PDE11A: variants seen among roughly 807,000 people sequenced by gnomAD.
PDE11A encodes the protein dual 3',5'-cyclic-AMP and -GMP phosphodiesterase 11A.
Under a neutral mutation model 100.5 loss-of-function variants are expected in PDE11A, and 100 were observed. The observed-to-expected ratio is 1.00, with a 90% CI of 0.85 to 1.18. The LOEUF (loss-of-function observed/expected upper bound fraction) is 1.18, where lower values mean the gene tolerates loss of function less well. Among genes scored for constraint, PDE11A ranks in the 50% most tolerant of loss-of-function variants. The pLI is 0.00. For missense variants in PDE11A, 1,141 were observed against 1,152.6 expected (o/e 0.99, Z 0.15); for synonymous variants, 381 against 420.8 (o/e 0.91, Z 1.16).
intron 6 of PDE11A, among the ~76,000 whole-genome samples, chr2:177,837,054 C>A (rs2083413626): frequency 6.6e-6 from 1 of 152,198 alleles, no homozygotes; most frequent in South Asian, 2.1e-4. Context: ...GACGTGCCAG[C>A]AAAAGGGTAA....
intron 5 of PDE11A, among the ~76,000 whole-genome samples, chr2:177,868,850 G>T (rs2084075026): frequency 6.6e-6 from 1 of 152,144 alleles, no homozygotes; most frequent in Non-Finnish European, 1.5e-5. Context: ...ATCTTTCCTT[G>T]GTTTGTTGGC....
intron 10 of PDE11A, among the ~76,000 whole-genome samples, chr2:177,760,792 T>C (rs770564526): frequency 6.6e-5 from 10 of 152,172 alleles, no homozygotes; most frequent in Non-Finnish European, 1.3e-4. Context: ...CAGAAAACCC[T>C]TCAGCCAGAC....
chr2:177,699,973 A>G (rs1473313772), intron 14 of PDE11A, among the ~76,000 whole-genome samples: 1 of 152,218 alleles, frequency 6.6e-6, no homozygotes, highest in East Asian at 1.9e-4. Context: ...TCAGAGGTGT[A>G]TACTCATCAC....
At chr2:177,905,962 A>G (rs1438790990) in intron 2 of PDE11A, among the ~76,000 whole-genome samples, 1 of 152,158 alleles carries the variant, frequency 6.6e-6, no homozygotes, top group Non-Finnish European at 1.5e-5. Flanking sequence ...AGGGATTTTT[A>G]CTACTGCCTT....
chr2:177,812,609 G>A (rs2082965325), intron 9 of PDE11A, among the ~76,000 whole-genome samples: 1 of 152,016 alleles, frequency 6.6e-6, no homozygotes, highest in Non-Finnish European at 1.5e-5. Context: ...TGAGCAGGAG[G>A]GTGAGTCCCC....
At chr2:178,054,134 C>T (rs1191990099) in intron 1 of PDE11A, among the ~76,000 whole-genome samples, 1 of 152,210 alleles carries the variant, frequency 6.6e-6, no homozygotes, top group East Asian at 1.9e-4. Flanking sequence ...CAGCATGGTA[C>T]TGGTACCAAA....
In PDE11A at chr2:177,624,116, C is replaced by T. The variant is rs2079799558; in HGVS notation, c.*5291G>A. The T allele has an allele frequency of 6.6e-6, 1 of 152,198 alleles. No individual in the cohort carries two copies. Among genetic ancestry groups the T allele is most frequent in the Admixed American group, 6.5e-5 (1 of 15,282 alleles). 9.4% of individuals were successfully genotyped at this position (152,198 alleles called of 1,614,324 possible). A position where few individuals can be genotyped will look rare whatever the true frequency, so the allele number is the denominator to read the frequency against. ...ACATTTGAGTTTTGGGAGTTCTTTA[C>T]AGCATGTAGCAGAATAACAATTTCA... On this transcript the variant is annotated 3_prime_UTR_variant, in exon 20 of 20. Transcript: ENST00000286063.
At chr2:177,800,003 C>T (rs1299878513) in intron 9 of PDE11A, among the ~76,000 whole-genome samples, 2 of 152,014 alleles carry the variant, frequency 1.3e-5, no homozygotes, top group African/African-American at 2.4e-5. Flanking sequence ...TTCACTTCAT[C>T]GTTATTAACA....
Position 177,635,293 on chromosome 2 carries a change from G to A in PDE11A, c.2647-5731C>T, listed in dbSNP as rs77566556. On this transcript the variant is annotated intron_variant, in intron 19 of 19. Transcript: ENST00000286063. ...AACTCAGGTTTTGTTTCAAGTGTAGGTTAGAGTTGATGCTGACCTAAAAAC... is the reference window on the plus strand; with the variant it reads ...AACTCAGGTTTTGTTTCAAGTGTAGATTAGAGTTGATGCTGACCTAAAAAC... Among the ~76,000 whole-genome samples the A allele has an allele frequency of 4.9e-3, 745 of 152,230 alleles. 6 individuals carry two copies. The highest frequency in any genetic ancestry group is 0.03 in the East Asian group (157 of 5,170).
intron 4 of PDE11A, among the ~76,000 whole-genome samples, chr2:177,877,924 G>T (rs1003778375): frequency 3.9e-5 from 6 of 152,120 alleles, no homozygotes; most frequent in African/African-American, 1.4e-4. Flanking sequence ...TGCTTCAAAG[G>T]CCTTTTAAAT....
At chr2:177,922,787 T>C (rs2085072240) in intron 2 of PDE11A, 2 of 984,882 alleles carry the variant, frequency 2.0e-6, no homozygotes, top group Non-Finnish European at 2.4e-6. Context: ...CAACACACAG[T>C]GGACTTTTCT....
intron 10 of PDE11A, among the ~76,000 whole-genome samples, chr2:177,758,143 A>AG (rs1033044159): frequency 1.3e-5 from 2 of 151,452 alleles, no homozygotes; most frequent in African/African-American, 4.9e-5. Context: ...AAAAAAAAAA[A>AG]AAAATTAGCC....
intron 2 of PDE11A, among the ~76,000 whole-genome samples, chr2:178,010,927 A>G (rs2086267402): frequency 6.6e-6 from 1 of 152,214 alleles, no homozygotes; most frequent in South Asian, 2.1e-4. Flanking sequence ...AGAAATCCCA[A>G]TAAGGGAGGA....
At chr2:177,867,973 C>T (rs371041864) in intron 5 of PDE11A, among the ~76,000 whole-genome samples, 4 of 152,144 alleles carry the variant, frequency 2.6e-5, no homozygotes, top group African/African-American at 9.7e-5. Context: ...ACTAGAGCTA[C>T]GTCTCATGGG....
chr2:177,895,737 T>C (rs2084602994), intron 4 of PDE11A, among the ~76,000 whole-genome samples: 1 of 152,136 alleles, frequency 6.6e-6, no homozygotes, highest in Admixed American at 6.5e-5. Flanking sequence ...AGAATGGTAG[T>C]TGCCAGAGGC....
chr2:178,097,151 G>A (rs1019943051), intron 2 of PDE11A, among the ~76,000 whole-genome samples: 11 of 152,206 alleles, frequency 7.2e-5, no homozygotes, highest in Admixed American at 6.5e-4. Flanking sequence ...CTCCCAAAGT[G>A]CTGGGATTAC....
At chr2:177,944,894 T>A (rs367977925) in intron 2 of PDE11A, among the ~76,000 whole-genome samples, 3 of 143,564 alleles carry the variant, frequency 2.1e-5, no homozygotes, top group Non-Finnish European at 3.1e-5. Context: ...AAAGCTGGAC[T>A]GTACTGCTGC....
intron 13 of PDE11A, among the ~76,000 whole-genome samples, chr2:177,706,845 T>C (rs929556979): frequency 6.6e-6 from 1 of 152,174 alleles, no homozygotes; most frequent in Admixed American, 6.5e-5. Flanking sequence ...TATGTGTGAA[T>C]GTTGTTCAGT....
intron 17 of PDE11A, among the ~76,000 whole-genome samples, chr2:177,674,132 T>G (rs908476921): frequency 7.2e-5 from 11 of 152,198 alleles, no homozygotes; most frequent in African/African-American, 2.4e-4. Flanking sequence ...AATGAAAGCT[T>G]TGGAGCCTAA....
Sources: allele counts gnomAD v4.1 joint callset (sites outside exome capture counted in the v4.1 genomes callset), GRCh38; gene constraint gnomAD v4.1.1; transcripts MANE v1.5; gene names NCBI Gene and HGNC (gene_info 2026-07-23, HGNC 2026-07-21).